NELL2: variants seen among roughly 807,000 people sequenced by gnomAD.
The protein encoded by NELL2 is neural EGFL like 2.
Under a neutral mutation model 109.6 loss-of-function variants are expected in NELL2, and 41 were observed. The observed-to-expected ratio is 0.37, with a 90% CI of 0.29 to 0.49. The LOEUF (loss-of-function observed/expected upper bound fraction) is 0.49. Ranked by LOEUF, NELL2 falls within the 20% of genes least tolerant of loss-of-function variation. The probability of loss-of-function intolerance (pLI) is 0.98; values close to 1 mark genes in which losing one functional copy is unlikely to be tolerated. For missense variants in NELL2, 900 were observed against 1,008.3 expected (o/e 0.89, Z 1.45); for synonymous variants, 355 against 344.7 (o/e 1.03, Z -0.33).
At chr12:44,716,380 C>T (rs1341452898) in intron 9 of NELL2, among the ~76,000 whole-genome samples, 1 of 152,108 alleles carries the variant, frequency 6.6e-6, no homozygotes, top group Non-Finnish European at 1.5e-5. Flanking sequence ...ATAAAATTTA[C>T]TTGCACTAAT....
chr12:44,921,760 C>T (rs1945869800), intron 1 of NELL2: 1 of 152,150 alleles, frequency 6.6e-6, no homozygotes, highest in Admixed American at 6.5e-5. Flanking sequence ...CCCTCCACCC[C>T]ACCTATCATA....
chr12:44,637,751 T>C (rs1483142787), intron 13 of NELL2, among the ~76,000 whole-genome samples: 1 of 151,234 alleles, frequency 6.6e-6, no homozygotes, highest in East Asian at 2.0e-4. Context: ...TGGGCAAACA[T>C]GATGACAAAC....
intron 9 of NELL2, among the ~76,000 whole-genome samples, chr12:44,747,216 A>G (rs1006757974): frequency 2.0e-5 from 3 of 151,696 alleles, no homozygotes; most frequent in Non-Finnish European, 2.9e-5. Context: ...ACCAAACACC[A>G]CATGTTCTCA....
chr12:44,744,805 TA>T (rs1425328170), intron 9 of NELL2, among the ~76,000 whole-genome samples: 1 of 152,232 alleles, frequency 6.6e-6, no homozygotes, highest in Non-Finnish European at 1.5e-5. Flanking sequence ...ATTAAGGCAA[TA>T]ATCAATAGCT....
intron 15 of NELL2, among the ~76,000 whole-genome samples, chr12:44,588,365 C>T (rs557144568): frequency 1.3e-5 from 2 of 152,230 alleles, no homozygotes; most frequent in East Asian, 1.9e-4. Flanking sequence ...CCCTCCCAAG[C>T]CAAGCTTCAC....
chr12:44,762,697 C>T (rs530377168), intron 9 of NELL2, among the ~76,000 whole-genome samples: 1 of 152,330 alleles, frequency 6.6e-6, no homozygotes, highest in South Asian at 2.1e-4. Flanking sequence ...TCAGCTTACA[C>T]ATTCCTCTTT....
At chr12:44,786,143 A>G (rs1052470196) in intron 3 of NELL2, among the ~76,000 whole-genome samples, 2 of 152,188 alleles carry the variant, frequency 1.3e-5, no homozygotes, top group African/African-American at 2.4e-5. Flanking sequence ...ACAAAGGGCT[A>G]ATATCCAGAA....
intron 12 of NELL2, among the ~76,000 whole-genome samples, chr12:44,695,191 G>A (rs1183483894): frequency 6.6e-6 from 1 of 150,940 alleles, no homozygotes; most frequent in Non-Finnish European, 1.5e-5. Flanking sequence ...AGGGAAAGAA[G>A]GAGAAAATGC....
chr12:44,519,895 A>C, intron 19 of NELL2, 110 bp downstream of exon 19: 1 of 941,878 alleles, frequency 1.1e-6, no homozygotes, highest in Admixed American at 2.5e-5. Flanking sequence ...TGAAAAATAA[A>C]CAGGAAAAAA....
In NELL2 at chr12:44,875,895, C is replaced by G. The variant is rs776174454; in HGVS notation, c.-26G>C. 5 of 1,613,802 alleles carry G rather than the reference C, an allele frequency of 3.1e-6. No individual in the cohort carries two copies. The highest frequency in any genetic ancestry group is 1.7e-5 in the Admixed American group (1 of 60,028). On this transcript the variant is annotated 5_prime_UTR_variant, in exon 1 of 20. Coordinates refer to ENST00000429094, the MANE Select transcript of NELL2 (RefSeq NM_001145108.2). ...GGTGCGGATCAGCTCAGTCCATCGT[C>G]TCCCTCTTTAAAAATAAAAATAAAA...
At chr12:44,581,196 A>G (rs1192848549) in intron 15 of NELL2, among the ~76,000 whole-genome samples, 2 of 152,184 alleles carry the variant, frequency 1.3e-5, no homozygotes, top group Non-Finnish European at 2.9e-5. Flanking sequence ...GTTTTTACTT[A>G]CCAATGTGCC....
upstream of NELL2, chr12:44,913,952 G>C: frequency 5.5e-6 from 2 of 360,796 alleles, no homozygotes; most frequent in South Asian, 7.8e-5. Flanking sequence ...AAAAACCTTG[G>C]AGTCATTTCT....
At chr12:44,894,719 T>C (rs1945574246) in intron 1 of NELL2, among the ~76,000 whole-genome samples, 1 of 152,174 alleles carries the variant, frequency 6.6e-6, no homozygotes, top group Non-Finnish European at 1.5e-5. Context: ...GTAATAACAA[T>C]TTATAAAAAT....
intron 3 of NELL2, among the ~76,000 whole-genome samples, chr12:44,789,627 C>G (rs1942308385): frequency 6.6e-6 from 1 of 151,860 alleles, no homozygotes; most frequent in Non-Finnish European, 1.5e-5. Flanking sequence ...AGAAGAAATC[C>G]CTGATTTACC....
chr12:44,876,183 G>A lies in NELL2; in HGVS notation c.-314C>T. 4.0e-6 allele frequency: 5 copies of A among 1,243,180 alleles called. No individual in the cohort carries two copies. Among genetic ancestry groups the A allele is most frequent in the South Asian group, 2.2e-5 (1 of 45,530 alleles). The allele number at this position is 1,243,180 out of a possible 1,614,324, so 77.0% of individuals were successfully genotyped here. On this transcript the variant is annotated 5_prime_UTR_variant, in exon 1 of 20. Coordinates refer to ENST00000429094, the MANE Select transcript of NELL2 (RefSeq NM_001145108.2). ...CGGCTCCGTCGGGGAATTAGCTCCC[G>A]AGCCGAATAAAAGCAGCCAAAGACT...
chr12:44,606,698 T>G (rs1945415489), intron 15 of NELL2, among the ~76,000 whole-genome samples: 1 of 152,134 alleles, frequency 6.6e-6, no homozygotes, highest in African/African-American at 2.4e-5. Flanking sequence ...AGTAGAAAAC[T>G]TTAATTATTT....
At chr12:44,859,880 G>C (rs1297598814) in intron 2 of NELL2, among the ~76,000 whole-genome samples, 1 of 152,100 alleles carries the variant, frequency 6.6e-6, no homozygotes, top group African/African-American at 2.4e-5. Flanking sequence ...GATATCCCTT[G>C]TACTTTTCAG....
chr12:44,817,906 C>A (rs1943405830), intron 2 of NELL2, among the ~76,000 whole-genome samples: 1 of 152,202 alleles, frequency 6.6e-6, no homozygotes, highest in Admixed American at 6.5e-5. Flanking sequence ...CCAATCCGGG[C>A]ATCACCTATC....
chr12:44,541,658 A>G (rs1036879927), intron 15 of NELL2, among the ~76,000 whole-genome samples: 2 of 152,164 alleles, frequency 1.3e-5, no homozygotes, highest in African/African-American at 4.8e-5. Context: ...AATAATAATA[A>G]TAAGTCCAGA....
Sources: allele counts gnomAD v4.1 joint callset (sites outside exome capture counted in the v4.1 genomes callset), GRCh38; gene constraint gnomAD v4.1.1; transcripts MANE v1.5; gene names NCBI Gene and HGNC (gene_info 2026-07-23, HGNC 2026-07-21).